Variants in SFPQ observed in about 807,000 individuals in gnomAD.
The protein encoded by SFPQ is splicing factor proline and glutamine rich.
In SFPQ, 11 loss-of-function variants were observed where a neutral mutation model predicts 72.9. That is an observed-to-expected ratio of 0.15 (90% CI 0.09 to 0.25). The LOEUF is 0.25. Among genes scored for constraint, SFPQ ranks in the 10% least tolerant of loss-of-function variants. The pLI is 1.00. For missense variants in SFPQ, 847 were observed against 993.3 expected (o/e 0.85, Z 1.98); for synonymous variants, 506 against 367.3 (o/e 1.38, Z -4.32).
Position 35,188,116 on chromosome 1 carries a change from CT to C in SFPQ, c.1698-27del, listed in dbSNP as rs1437426853. The C allele has an allele frequency of 6.0e-6, 9 of 1,495,114 alleles. No homozygotes were observed. The African/African-American group carries it at 1.2e-4, about 21-fold the overall frequency. The allele number at this position is 1,495,114 out of a possible 1,614,324, so 92.6% of individuals were successfully genotyped here. On this transcript the variant is annotated intron_variant, in intron 6 of 9. Coordinates refer to ENST00000357214, the MANE Select transcript of SFPQ (RefSeq NM_005066.3). ...CTAGAAATACCCATCAGGTACATAA[CT>C]GAAGTGTTATCCACATCTTTTAGAA...
Position 35,191,510 on chromosome 1 carries a change from G to A in SFPQ, c.848C>T (p.Ser283Phe), listed in dbSNP as rs1446948571. 8 of 1,612,256 alleles carry A rather than the reference G, an allele frequency of 5.0e-6. No individual in the cohort carries two copies. The highest frequency in any genetic ancestry group is 1.3e-5 in the African/African-American group (1 of 74,762). ...SDSEGFKANL[S>F]LLRRPGEKTY... ...TTTCTCTCCAGGCCTCCTCAAGAGAGACAAATTGGCTTTAAACCCCTAATG... is the reference window on the plus strand; with the variant it reads ...TTTCTCTCCAGGCCTCCTCAAGAGAAACAAATTGGCTTTAAACCCCTAATG... Residue 283 changes from serine to phenylalanine, a missense_variant, in exon 2 of 10, where the codon TCT (serine) becomes TTT (phenylalanine). Ser to Phe is a radical substitution (Grantham distance 155, BLOSUM62 -2). Coordinates refer to ENST00000357214, the MANE Select transcript of SFPQ (RefSeq NM_005066.3).
chr1:35,192,765 C>T lies in SFPQ; in HGVS notation c.285G>A (p.Gln95=), dbSNP rs1253373719. Residue 95 remains glutamine, a synonymous_variant, in exon 1 of 10, where the codon CAG becomes CAA. Coordinates refer to ENST00000357214, the MANE Select transcript of SFPQ (RefSeq NM_005066.3). ...GCGGCGGTGGCGGCGGCTGCTGCTG[C>T]TGATGCGGCTGTGGATGCGGCGGCG... ...HQPPPHPQPH[Q]QQQPPPPPQD... is the part of the protein sequence containing the mutation. The T allele has an allele frequency of 1.3e-6, 2 of 1,498,676 alleles. No individual in the cohort carries two copies. Among genetic ancestry groups the T allele is most frequent in the African/African-American group, 1.4e-5 (1 of 69,238 alleles). 92.8% of individuals were successfully genotyped at this position (1,498,676 alleles called of 1,614,324 possible).
chr1:35,176,411 G>GA (rs1463818261), exon 6 of SFPQ: 1 of 151,938 alleles, frequency 6.6e-6, no homozygotes, highest in Non-Finnish European at 1.5e-5. Flanking sequence ...TAACGAGAAT[G>GA]AAACGTTCAT....
downstream of SFPQ, chr1:35,178,632 A>G: frequency 9.5e-7 from 1 of 1,056,842 alleles, no homozygotes; most frequent in Non-Finnish European, 1.1e-6. Context: ...GACAGCAAGG[A>G]ACCAATTTTT....
In SFPQ at chr1:35,192,240, C is replaced by T. The variant is rs1274001010; in HGVS notation, c.810G>A (p.Glu270=). Residue 270 remains glutamate (E), a synonymous_variant, in exon 1 of 10, where the codon GAG becomes GAA. Coordinates refer to ENST00000357214, the MANE Select transcript of SFPQ (RefSeq NM_005066.3). The part of the protein sequence containing the change: ...PPGGPGGRSE[E]KISDSEGFKA... ...CACTCACCTCCGAGTCCGAGATCTT[C>T]TCCTCGCTGCGGCCGCCGGGCCCGC... is the stretch of plus-strand genomic sequence containing the variant. The T allele has an allele frequency of 4.1e-6, 6 of 1,462,576 alleles. No homozygotes were observed. The East Asian group carries it at 1.5e-4, about 38-fold the overall frequency. The allele number at this position is 1,462,576 out of a possible 1,614,324, so 90.6% of individuals were successfully genotyped here. A position where few individuals can be genotyped will look rare whatever the true frequency, so the allele number is the denominator to read the frequency against.
intron 4 of SFPQ, chr1:35,177,762 C>T (rs571527521): frequency 1.8e-5 from 3 of 163,962 alleles, no homozygotes; most frequent in East Asian, 1.8e-4. Context: ...CTTCTATGAC[C>T]GTTATATAAC....
Position 35,189,400 on chromosome 1 carries a change from T to C in SFPQ, c.1416-18A>G. ...CTCTCTCCCTAACAATACACAAAATTTTAACATGAACCGATTTGTGAATGC... is the reference window on the plus strand; with the variant it reads ...CTCTCTCCCTAACAATACACAAAATCTTAACATGAACCGATTTGTGAATGC... On this transcript the variant is annotated intron_variant, in intron 4 of 9. Coordinates refer to ENST00000357214, the MANE Select transcript of SFPQ (RefSeq NM_005066.3). The C allele has an allele frequency of 6.3e-7, 1 of 1,599,076 alleles. No individual in the cohort carries two copies. Among genetic ancestry groups the C allele is most frequent in the Non-Finnish European group, 8.6e-7 (1 of 1,167,984 alleles).
chr1:35,192,838 T>C lies in SFPQ; in HGVS notation c.212A>G (p.Gln71Arg). Reference protein sequence around the residue: ...PPPPPHQQQQQPPPQQPPPQQ... With the variant: ...PPPPPHQQQQRPPPQQPPPQQ... ...CGGCGGTGGCTGCTGCGGTGGTGGC[T>C]GTTGCTGCTGTTGGTGTGGAGGCGG... Residue 71 changes from glutamine (Q) to arginine (R), a missense_variant, in exon 1 of 10, where the codon CAG becomes CGG. Around this residue, in one of 6 missense-constraint regions of SFPQ, gnomAD observed 498 missense variants for 405.1 expected, o/e 1.23. Transcript: ENST00000357214. 1.3e-6 allele frequency: 2 copies of C among 1,523,908 alleles called. No homozygotes were observed. The highest frequency in any genetic ancestry group is 2.0e-5 in the Admixed American group (1 of 50,178). 94.4% of individuals were successfully genotyped at this position (1,523,908 alleles called of 1,614,324 possible). A position where few individuals can be genotyped will look rare whatever the true frequency, so the allele number is the denominator to read the frequency against.
At position 35,187,759 on chromosome 1, in the gene SFPQ, AAAACAAAACAAAAAAACCAAG is replaced by A. The variant is rs558304260; in HGVS notation, c.1815+193_1815+213del. On this transcript the variant is annotated intron_variant, in intron 7 of 9. Transcript: ENST00000357214. ...AAAAAAACCAAACAAACAAAAAAAC[AAAACAAAACAAAAAAACCAAG>A]AAACAAAACACAAAAAAACTTCCTA... 6.8e-4 allele frequency among the ~76,000 whole-genome samples: 104 copies of A among 152,198 alleles called. 1 individual carries two copies. The highest frequency in any genetic ancestry group is 3.4e-3 in the Middle Eastern group (1 of 294).
intron 9 of SFPQ, among the ~76,000 whole-genome samples, 175 bp downstream of exon 9, chr1:35,186,826 G>C (rs1639743020): frequency 6.6e-6 from 1 of 152,078 alleles, no homozygotes; most frequent in African/African-American, 2.4e-5. Context: ...CACACACCGA[G>C]TTCTTCTATG....
intron 9 of SFPQ, 45 bp downstream of exon 9, chr1:35,186,956 G>C: frequency 2.6e-6 from 4 of 1,568,192 alleles, no homozygotes; most frequent in Non-Finnish European, 3.5e-6. Context: ...CCTAAGTTGT[G>C]AAAATGAGAA....
chr1:35,180,974 GCT>G, downstream of SFPQ: 1 of 985,430 alleles, frequency 1.0e-6, no homozygotes, highest in Non-Finnish European at 1.2e-6. Context: ...ACAAATTACA[GCT>G]CTAACCCCAC....
At chr1:35,180,945 C>T, downstream of SFPQ, 3 of 985,326 alleles carry the variant, frequency 3.0e-6, no homozygotes, top group Non-Finnish European at 3.6e-6. Context: ...AGAACTGCAA[C>T]AGCACTGAAT....
chr1:35,183,738 T>G lies in SFPQ; in HGVS notation c.*718A>C. ...TTTCCACTTTTCAAAAGCTTTCAAG[T>G]AAAGGATAGATCATAGGGCCATAAA... On this transcript the variant is annotated 3_prime_UTR_variant, in exon 10 of 10. Transcript: ENST00000357214. 6 of 1,049,380 alleles carry G rather than the reference T, an allele frequency of 5.7e-6. No individual in the cohort carries two copies. Among genetic ancestry groups the G allele is most frequent in the Non-Finnish European group, 6.9e-6 (6 of 868,924 alleles). 65.0% of individuals were successfully genotyped at this position (1,049,380 alleles called of 1,614,324 possible).
At chr1:35,179,226 T>C (rs1344141376), downstream of SFPQ, 1 of 1,061,498 alleles carries the variant, frequency 9.4e-7, no homozygotes. Context: ...TCACTGCAGC[T>C]GACAATGATT....
Position 35,184,542 on chromosome 1 carries a change from G to A in SFPQ, c.2038C>T (p.Pro680Ser). The A allele has an allele frequency of 6.2e-7, 1 of 1,612,558 alleles. No homozygotes were observed. The change falls in exon 10 of 10, where the codon CCT becomes TCT. Residue 680 changes from proline to serine, a missense_variant. By Grantham distance (74) the Pro-to-Ser change is moderately conservative. This residue lies in a region of SFPQ where 154 missense variants were observed against 186.0 expected (regional missense o/e 0.83). Transcript: ENST00000357214. ...GGAGPVGGQG[P>S]RGMGPGTPAG... ...GGAGTTCCAGGCCCCATTCCTCTAG[G>A]ACCCTGTCCACCCACAGGCCCCGCA...
chr1:35,192,762 C>G lies in SFPQ; in HGVS notation c.288G>C (p.Gln96His). 6.7e-7 allele frequency: 1 copy of G among 1,499,202 alleles called. No homozygotes were observed. The allele number at this position is 1,499,202 out of a possible 1,614,324, so 92.9% of individuals were successfully genotyped here. ...CCTGCGGCGGTGGCGGCGGCTGCTG[C>G]TGCTGATGCGGCTGTGGATGCGGCG... Reference protein sequence around the residue: ...QPPPHPQPHQQQQPPPPPQDS... With the variant: ...QPPPHPQPHQHQQPPPPPQDS... Residue 96 changes from glutamine to histidine, a missense_variant, in exon 1 of 10, where the codon CAG (glutamine) becomes CAC (histidine). Physicochemically the swap from Gln to His is conservative, Grantham distance 24 (BLOSUM62 0). Coordinates refer to ENST00000357214, the MANE Select transcript of SFPQ (RefSeq NM_005066.3).
chr1:35,178,116 T>C, downstream of SFPQ: 1 of 1,172,560 alleles, frequency 8.5e-7, no homozygotes, highest in East Asian at 5.0e-5. Context: ...AACTTCAAAA[T>C]TTAAAGAGTA....
chr1:35,188,933 C>T (rs1452782317), intron 6 of SFPQ, 70 bp downstream of exon 6: 42 of 1,268,132 alleles, frequency 3.3e-5, no homozygotes, highest in Non-Finnish European at 1.7e-5. Flanking sequence ...TGCACTCCAG[C>T]CCGGGCAACA....
Sources: gnomAD v4.1 joint callset for allele counts (sites outside exome capture counted in the v4.1 genomes callset) on GRCh38, gnomAD v4.1.1 for gene constraint, gnomAD v4.1.1 regional missense constraint, MANE v1.5 for transcripts, NCBI Gene and HGNC (gene_info 2026-07-23, HGNC 2026-07-21) for gene names.